Variants in CTNNA3 observed in about 807,000 individuals in gnomAD.
The protein encoded by CTNNA3 is catenin alpha 3.
In CTNNA3, 76 loss-of-function variants were observed where a neutral mutation model predicts 95.7. The observed-to-expected ratio is 0.79, with a 90% CI of 0.66 to 0.96. CTNNA3 has a LOEUF of 0.96. Among genes scored for constraint, CTNNA3 ranks in the 40% least tolerant of loss-of-function variants. CTNNA3 has a pLI of 0.00. For missense variants in CTNNA3, 1,191 were observed against 1,089.8 expected (o/e 1.09, Z -1.31); for synonymous variants, 431 against 374.4 (o/e 1.15, Z -1.74).
intron 1 of CTNNA3, among the ~76,000 whole-genome samples, chr10:67,684,143 G>A (rs896220964): frequency 5.9e-5 from 9 of 152,194 alleles, no homozygotes; most frequent in Admixed American, 5.2e-4. Flanking sequence ...ACAGAGCGCT[G>A]ATTGGTCCGT....
At chr10:67,731,691 A>G (rs1841275277) in intron 1 of CTNNA3, among the ~76,000 whole-genome samples, 1 of 147,162 alleles carries the variant, frequency 6.8e-6, no homozygotes. Context: ...AGTCCCAGCT[A>G]CTCGGGAGGC....
At chr10:66,004,900 C>T (rs1175704354) in intron 15 of CTNNA3, among the ~76,000 whole-genome samples, 1 of 152,116 alleles carries the variant, frequency 6.6e-6, no homozygotes, top group African/African-American at 2.4e-5. Context: ...AAATATTAAC[C>T]AATTTGTTGA....
At chr10:66,670,938 C>T (rs1188211719) in intron 9 of CTNNA3, among the ~76,000 whole-genome samples, 3 of 152,180 alleles carry the variant, frequency 2.0e-5, no homozygotes, top group African/African-American at 7.2e-5. Flanking sequence ...AAGTGGATAA[C>T]TTCATGGCTA....
chr10:66,010,021 G>A (rs528096176), intron 15 of CTNNA3, among the ~76,000 whole-genome samples: 1 of 152,310 alleles, frequency 6.6e-6, no homozygotes, highest in South Asian at 2.1e-4. Context: ...GAGAAAGCAT[G>A]TAGAGAAAAG....
At chr10:66,395,423 C>G (rs1050639377) in intron 11 of CTNNA3, among the ~76,000 whole-genome samples, 2 of 151,970 alleles carry the variant, frequency 1.3e-5, no homozygotes, top group Admixed American at 6.6e-5. Flanking sequence ...AAATCGGTAT[C>G]ATTCACAAAA....
intron 7 of CTNNA3, among the ~76,000 whole-genome samples, chr10:67,163,423 T>A (rs1418255245): frequency 6.6e-6 from 1 of 151,980 alleles, no homozygotes; most frequent in Admixed American, 6.6e-5. Flanking sequence ...AACACCCATT[T>A]ATCACACAAA....
intron 9 of CTNNA3, among the ~76,000 whole-genome samples, chr10:66,672,532 AT>A (rs978320808): frequency 2.0e-5 from 3 of 152,146 alleles, no homozygotes; most frequent in Non-Finnish European, 4.4e-5. Context: ...ATGTATCAAA[AT>A]TTCCTTAAGA....
intron 5 of CTNNA3, among the ~76,000 whole-genome samples, chr10:67,306,177 G>A (rs1212116121): frequency 3.9e-5 from 6 of 152,208 alleles, no homozygotes; most frequent in Middle Eastern, 6.8e-3. Context: ...AAAAATTATA[G>A]AGCCCAGGGA....
chr10:67,534,211 G>A (rs920394098), intron 4 of CTNNA3, among the ~76,000 whole-genome samples: 3 of 152,054 alleles, frequency 2.0e-5, no homozygotes, highest in Non-Finnish European at 2.9e-5. Flanking sequence ...AGAAATTCAT[G>A]TCTTTAAAGT....
chr10:65,978,449 C>T (rs757199784), intron 16 of CTNNA3, among the ~76,000 whole-genome samples: 3 of 150,892 alleles, frequency 2.0e-5, no homozygotes, highest in African/African-American at 2.4e-5. Context: ...TTTCCTTGCA[C>T]GTGTTGTTGT....
At chr10:67,386,056 T>C (rs1052152232) in intron 5 of CTNNA3, among the ~76,000 whole-genome samples, 2 of 152,170 alleles carry the variant, frequency 1.3e-5, no homozygotes, top group Admixed American at 1.3e-4. Context: ...AAAAATGAAA[T>C]GCATAAAAAG....
At chr10:66,024,828 A>G (rs2079303876) in intron 15 of CTNNA3, among the ~76,000 whole-genome samples, 3 of 152,236 alleles carry the variant, frequency 2.0e-5, no homozygotes, top group Non-Finnish European at 4.4e-5. Context: ...AAGAGACTTA[A>G]GAATCAGTGA....
rs572691073 is a variant in CTNNA3 at position 67,538,528 on chromosome 10, G to A, written c.459+975C>T. ...ACCCAGAAGGCAGAGATTGCAGTGA[G>A]CCGAGATCACCACTGCACTCCAACC... On this transcript the variant is annotated intron_variant, in intron 4 of 17. Coordinates refer to ENST00000433211, the MANE Select transcript of CTNNA3 (RefSeq NM_013266.4). 6.1e-5 allele frequency among the ~76,000 whole-genome samples: 9 copies of A among 148,442 alleles called. No individual in the cohort carries two copies. The East Asian group carries it at 8.0e-4, about 13-fold the overall frequency.
At chr10:66,164,489 T>A (rs1396696452) in intron 13 of CTNNA3, among the ~76,000 whole-genome samples, 2 of 152,068 alleles carry the variant, frequency 1.3e-5, no homozygotes, top group Non-Finnish European at 2.9e-5. Flanking sequence ...GCTAACCAGT[T>A]TCCACATGGA....
chr10:66,888,225 G>C (rs1845120639), intron 7 of CTNNA3, among the ~76,000 whole-genome samples: 1 of 152,132 alleles, frequency 6.6e-6, no homozygotes, highest in Non-Finnish European at 1.5e-5. Context: ...AAGAAGCTGA[G>C]AGTGGCCTGG....
At chr10:66,182,443 G>T (rs2086097770) in intron 13 of CTNNA3, among the ~76,000 whole-genome samples, 1 of 152,026 alleles carries the variant, frequency 6.6e-6, no homozygotes, top group Non-Finnish European at 1.5e-5. Flanking sequence ...TTTTAGTAGA[G>T]ACGGGGTTTC....
chr10:66,759,706 GT>G (rs1217357109), intron 9 of CTNNA3, among the ~76,000 whole-genome samples: 1 of 152,204 alleles, frequency 6.6e-6, no homozygotes, highest in African/African-American at 2.4e-5. Flanking sequence ...CACCAGCCAT[GT>G]GGCTATTGAG....
chr10:67,555,294 G>A (rs1383718580), intron 3 of CTNNA3, among the ~76,000 whole-genome samples: 1 of 152,172 alleles, frequency 6.6e-6, no homozygotes, highest in Non-Finnish European at 1.5e-5. Flanking sequence ...TGTGAAGAAA[G>A]TCATTGGTAG....
intron 3 of CTNNA3, among the ~76,000 whole-genome samples, chr10:67,563,071 A>T (rs1841593054): frequency 6.6e-6 from 1 of 152,134 alleles, no homozygotes. Context: ...TGCCCAAGGT[A>T]ATTTATAGAT....
Sources: allele counts gnomAD v4.1 joint callset (sites outside exome capture counted in the v4.1 genomes callset), GRCh38; gene constraint gnomAD v4.1.1; transcripts MANE v1.5; gene names NCBI Gene and HGNC (gene_info 2026-07-23, HGNC 2026-07-21).